The following DENND5B variants were observed in gnomAD, a reference collection of about 807,000 sequenced individuals.
DENND5B encodes the protein DENN domain-containing protein 5B.
In DENND5B, 34 loss-of-function variants were observed where a neutral mutation model predicts 140.6. The ratio of observed to expected loss-of-function variants is 0.24; its 90% CI spans 0.18 to 0.32. The LOEUF (loss-of-function observed/expected upper bound fraction) is 0.32, where lower values mean the gene tolerates loss of function less well. Among genes scored for constraint, DENND5B ranks in the 10% least tolerant of loss-of-function variants. The pLI is 1.00. For missense variants in DENND5B, 1,142 were observed against 1,560.2 expected, an observed-to-expected ratio of 0.73 and a Z score of 4.52; for synonymous variants, 551 against 562.1, an observed-to-expected ratio of 0.98 and a Z score of 0.28.
chr12:31,389,797 T>A (rs1246514064), intron 19 of DENND5B, among the ~76,000 whole-genome samples: 1 of 152,194 alleles, frequency 6.6e-6, no homozygotes, highest in Non-Finnish European at 1.5e-5. Context: ...AATAGCATCT[T>A]CTGTTAAGAC....
In DENND5B at chr12:31,415,751, T is replaced by C. The variant is rs1447895948; in HGVS notation, c.2471-303A>G. Among the ~76,000 whole-genome samples the C allele has an allele frequency of 1.3e-5, 2 of 152,146 alleles. 1 individual carries two copies. On this transcript the variant is annotated intron_variant, in intron 11 of 20. Coordinates refer to ENST00000389082, the MANE Select transcript of DENND5B (RefSeq NM_144973.4). ...ACAGGTGTGCACCACCACACATGGCTCATTTTTAAAATTTTTTGTAGAGAC... is the reference window on the plus strand; with the variant it reads ...ACAGGTGTGCACCACCACACATGGCCCATTTTTAAAATTTTTTGTAGAGAC...
intron 1 of DENND5B, among the ~76,000 whole-genome samples, chr12:31,499,329 C>T (rs940165709): frequency 6.6e-6 from 1 of 152,208 alleles, no homozygotes; most frequent in African/African-American, 2.4e-5. Context: ...TGCCAAATAA[C>T]CTCCTACTAA....
chr12:31,390,825 C>T (rs1453223502), intron 19 of DENND5B, among the ~76,000 whole-genome samples: 1 of 151,952 alleles, frequency 6.6e-6, no homozygotes, highest in African/African-American at 2.4e-5. Context: ...GAATTTGGGA[C>T]CAGCGTGGCC....
chr12:31,500,183 T>C (rs1471385461), intron 1 of DENND5B, among the ~76,000 whole-genome samples: 1 of 152,298 alleles, frequency 6.6e-6, no homozygotes, highest in African/African-American at 2.4e-5. Flanking sequence ...TCTCGGATTT[T>C]TGGATTAGGA....
intron 1 of DENND5B, among the ~76,000 whole-genome samples, chr12:31,583,267 G>C (rs963885760): frequency 2.0e-5 from 3 of 150,892 alleles, no homozygotes; most frequent in Admixed American, 6.6e-5. Context: ...GCTCCAGCCT[G>C]GGCGACAGAG....
intron 1 of DENND5B, among the ~76,000 whole-genome samples, chr12:31,508,076 C>G (rs1034208595): frequency 6.6e-6 from 1 of 151,938 alleles, no homozygotes; most frequent in African/African-American, 2.4e-5. Flanking sequence ...AAAGAGACAC[C>G]AAGAGAGCCA....
intron 1 of DENND5B, chr12:31,541,085 G>T: frequency 2.3e-6 from 1 of 438,032 alleles, no homozygotes; most frequent in South Asian, 1.7e-5. Context: ...TTAAATTTAA[G>T]ACCTCAAACT....
Position 31,411,889 on chromosome 12 carries a change from C to A in DENND5B, c.2681+1547G>T, listed in dbSNP as rs560276681. 3.3e-5 allele frequency among the ~76,000 whole-genome samples: 5 copies of A among 152,324 alleles called. No homozygotes were observed. In the South Asian group the frequency reaches 1.0e-3, roughly 32 times the overall value. ...TTGTTGAATTCTCTGCCTAACTTTG[C>A]TCCTTAGAAGTCAAAGTCCTTAGCC... is the stretch of plus-strand genomic sequence containing the variant. On this transcript the variant is annotated intron_variant, in intron 13 of 20. Coordinates refer to ENST00000389082, the MANE Select transcript of DENND5B (RefSeq NM_144973.4).
chr12:31,479,817 C>G lies in DENND5B; in HGVS notation c.676G>C (p.Glu226Gln). 1 of 1,613,668 alleles carries G rather than the reference C, an allele frequency of 6.2e-7. No homozygotes were observed. The highest frequency in any genetic ancestry group is 8.5e-7 in the Non-Finnish European group (1 of 1,179,738). ...TAAAGAATATTGTGGATATAGCTTTCAAGTGGCAAGGGTGGTGGCTGCTGT... is the reference window on the plus strand; with the variant it reads ...TAAAGAATATTGTGGATATAGCTTTGAAGTGGCAAGGGTGGTGGCTGCTGT... ...TSQQPPPLPL[E>Q]SYIHNILYEV... Residue 226 changes from glutamate to glutamine, a missense_variant, in exon 3 of 21, where the codon GAA (glutamate) becomes CAA (glutamine). This residue lies in a region of DENND5B where 708 missense variants were observed against 905.5 expected (regional missense o/e 0.78). Coordinates refer to ENST00000389082, the MANE Select transcript of DENND5B (RefSeq NM_144973.4).
At chr12:31,541,201 G>A (rs1022971471) in intron 1 of DENND5B, among the ~76,000 whole-genome samples, 1 of 152,024 alleles carries the variant, frequency 6.6e-6, no homozygotes, top group Non-Finnish European at 1.5e-5. Context: ...AGCAAAAATG[G>A]ACAAATGGGA....
At position 31,387,704 on chromosome 12, in the gene DENND5B, G is replaced by A; in HGVS notation, c.3724C>T (p.Arg1242Ter). 1 of 1,614,022 alleles carries A rather than the reference G, an allele frequency of 6.2e-7. No individual in the cohort carries two copies. Among genetic ancestry groups the A allele is most frequent in the Non-Finnish European group, 8.5e-7 (1 of 1,179,884 alleles). ...TRMYEESALL[R>*]DRMTVNSLIR... ...AGGGAGTTGACAGTCATGCGGTCTC[G>A]CAGGAGAGCGCTCTCTTCATACATT... Residue 1242 changes from arginine to a stop codon, truncating the protein, a stop_gained, in exon 21 of 21, where the codon CGA becomes TGA. Coordinates refer to ENST00000389082, the MANE Select transcript of DENND5B (RefSeq NM_144973.4). LOFTEE classifies it high-confidence loss of function.
rs12299133 is a variant in DENND5B at position 31,392,722 on chromosome 12, A to G, written c.3257-26T>C. 1.1e-3 allele frequency: 1,725 copies of G among 1,543,514 alleles called. 17 individuals are homozygous for G. The African/African-American group carries it at 0.021, about 19-fold the overall frequency. ...CTGTAAAATAATAAACAGTGGCTGC[A>G]TTCTCATGGGAGAGAAATAAACCAA... On this transcript the variant is annotated intron_variant, in intron 17 of 20. Coordinates refer to ENST00000389082, the MANE Select transcript of DENND5B (RefSeq NM_144973.4).
intron 1 of DENND5B, among the ~76,000 whole-genome samples, chr12:31,533,229 C>T (rs1446613659): frequency 4.6e-5 from 7 of 151,956 alleles, no homozygotes; most frequent in Non-Finnish European, 1.0e-4. Context: ...ATATGACCAA[C>T]TGTGGATTGA....
At chr12:31,423,812 T>G in intron 10 of DENND5B, 137 bp from the exon 11 acceptor site, 1 of 770,568 alleles carries the variant, frequency 1.3e-6, no homozygotes, top group Non-Finnish European at 2.1e-6. Flanking sequence ...TGTATGACAT[T>G]CTGAGCATCT....
intron 6 of DENND5B, among the ~76,000 whole-genome samples, chr12:31,443,266 C>T (rs928684347): frequency 3.3e-5 from 5 of 152,056 alleles, no homozygotes; most frequent in Non-Finnish European, 5.9e-5. Flanking sequence ...GTAGAGATGG[C>T]GTTTCATCAT....
At chr12:31,392,549 C>A (rs962457619) in intron 18 of DENND5B, 65 bp downstream of exon 18, 2 of 1,520,998 alleles carry the variant, frequency 1.3e-6, no homozygotes, top group Admixed American at 4.4e-5. Context: ...CATATTGCCT[C>A]GTGTATCACA....
At position 31,398,320 on chromosome 12, in the gene DENND5B, C is replaced by A; in HGVS notation, c.3111G>T (p.Gly1037=). 6.4e-7 allele frequency: 1 copy of A among 1,553,260 alleles called. No individual in the cohort carries two copies. Among genetic ancestry groups the A allele is most frequent in the Non-Finnish European group, 8.7e-7 (1 of 1,147,882 alleles). Residue 1037 remains glycine, a synonymous_variant, in exon 17 of 21, where the codon GGG becomes GGT. Transcript: ENST00000389082. ...CTCCAATAAGAATTCTCTCCAGGCTCCCATCATCAATGCCTTTCCCCAGCC... is the reference window on the plus strand; with the variant it reads ...CTCCAATAAGAATTCTCTCCAGGCTACCATCATCAATGCCTTTCCCCAGCC... ...GRWLGKGIDD[G]SLERILIGEL...
At chr12:31,518,806 G>A (rs1591969592) in intron 1 of DENND5B, among the ~76,000 whole-genome samples, 1 of 152,032 alleles carries the variant, frequency 6.6e-6, no homozygotes, top group East Asian at 1.9e-4. Context: ...ACAAGAAAAT[G>A]GTCCTAGTTT....
At chr12:31,550,967 T>G (rs1376697087) in intron 1 of DENND5B, among the ~76,000 whole-genome samples, 1 of 133,062 alleles carries the variant, frequency 7.5e-6, no homozygotes, top group Non-Finnish European at 1.8e-5. Flanking sequence ...TATTAGCCCT[T>G]TGTCAGATGA....
Sources: allele counts gnomAD v4.1 joint callset (sites outside exome capture counted in the v4.1 genomes callset), GRCh38; gene constraint gnomAD v4.1.1; regional missense constraint gnomAD v4.1.1; transcripts MANE v1.5; gene names NCBI Gene and HGNC (gene_info 2026-07-23, HGNC 2026-07-21).